CCDC88A: variants seen among roughly 807,000 people sequenced by gnomAD.
CCDC88A encodes coiled-coil and HOOK domain protein 88A, also known as girdin.
A neutral mutation model predicts 234.3 loss-of-function variants in CCDC88A; 54 were observed. That is an observed-to-expected ratio of 0.23 (90% CI 0.19 to 0.29). The LOEUF (loss-of-function observed/expected upper bound fraction) is 0.29, where lower values mean the gene tolerates loss of function less well. Ranked by LOEUF, CCDC88A falls within the 10% of genes least tolerant of loss-of-function variation. CCDC88A has a pLI of 1.00. For synonymous variants in CCDC88A, 753 were observed against 737.8 expected (o/e 1.02, Z -0.33); for missense variants, 1,832 against 2,123.4 (o/e 0.86, Z 2.70).
At chr2:55,415,348 C>A (rs891939942) in intron 2 of CCDC88A, among the ~76,000 whole-genome samples, 1 of 151,982 alleles carries the variant, frequency 6.6e-6, no homozygotes, top group Non-Finnish European at 1.5e-5. Context: ...CTACTGGTGG[C>A]CAGAGACCAA....
chr2:55,343,540 G>T, intron 12 of CCDC88A, 108 bp downstream of exon 12: 1 of 777,522 alleles, frequency 1.3e-6, no homozygotes, highest in Non-Finnish European at 2.0e-6. Context: ...TATGGAGACA[G>T]GTAGTCTTCT....
chr2:55,296,358 A>T lies in CCDC88A; in HGVS notation c.4991T>A (p.Leu1664Gln). 6.2e-7 allele frequency: 1 copy of T among 1,614,146 alleles called. No homozygotes were observed. Among genetic ancestry groups the T allele is most frequent in the African/African-American group, 1.3e-5 (1 of 75,040 alleles). Residue 1664 changes from leucine (L) to glutamine (Q), a missense_variant, in exon 30 of 33, where the codon CTG becomes CAG. Physicochemically the swap from Leu to Gln is moderately radical, Grantham distance 113. Coordinates refer to ENST00000436346, the MANE Select transcript of CCDC88A (RefSeq NM_001365480.1). ...TTTGATCTTGTGATGTCGACTCTCC[A>T]GTGTTTCAGATATTTTGTGCTGGAG... ...PVLQHKISET[L>Q]ESRHHKIKTG...
intron 16 of CCDC88A, among the ~76,000 whole-genome samples, chr2:55,330,422 G>A (rs570516875): frequency 1.6e-4 from 24 of 152,120 alleles, no homozygotes; most frequent in Admixed American, 3.9e-4. Context: ...GCAGTGAGCC[G>A]AGATTGTGCC....
At chr2:55,310,307 C>A (rs941701835) in intron 23 of CCDC88A, among the ~76,000 whole-genome samples, 1 of 152,036 alleles carries the variant, frequency 6.6e-6, no homozygotes, top group Non-Finnish European at 1.5e-5. Context: ...TAAGGCAGGG[C>A]GTGGTGGCTC....
intron 6 of CCDC88A, among the ~76,000 whole-genome samples, chr2:55,363,398 TAG>T (rs1443155010): frequency 6.6e-6 from 1 of 151,946 alleles, no homozygotes; most frequent in Non-Finnish European, 1.5e-5. Context: ...AGCCCAAGAA[TAG>T]ACAGACATAG....
At chr2:55,382,302 T>C (rs1021749535) in intron 3 of CCDC88A, among the ~76,000 whole-genome samples, 1 of 152,350 alleles carries the variant, frequency 6.6e-6, no homozygotes, top group East Asian at 1.9e-4. Flanking sequence ...TACTGGAATC[T>C]GTTCTTTGTT....
In CCDC88A at chr2:55,308,910, T is replaced by G. The variant is rs955707499; in HGVS notation, c.4286A>C (p.Glu1429Ala). ...TLTPTRSDSS[E>A]GFLQLPHQDS... ...TTGATGAGGGAGCTGAAGAAATCCTTCACTGGAGTCTGAGCGGGTGGGTGT... is the reference window on the plus strand; with the variant it reads ...TTGATGAGGGAGCTGAAGAAATCCTGCACTGGAGTCTGAGCGGGTGGGTGT... Residue 1429 changes from glutamate (E) to alanine (A), a missense_variant, in exon 25 of 33, where the codon GAA becomes GCA. Glu to Ala is a moderately radical substitution (Grantham distance 107). Coordinates refer to ENST00000436346, the MANE Select transcript of CCDC88A (RefSeq NM_001365480.1). 4 of 1,614,062 alleles carry G rather than the reference T, an allele frequency of 2.5e-6. No homozygotes were observed. Among genetic ancestry groups the G allele is most frequent in the Admixed American group, 1.7e-5 (1 of 60,018 alleles).
intron 29 of CCDC88A, 102 bp from the exon 30 acceptor site, chr2:55,296,625 C>T (rs984674727): frequency 4.6e-6 from 5 of 1,098,346 alleles, no homozygotes; most frequent in Admixed American, 4.7e-5. Flanking sequence ...TATGAACAGC[C>T]AAATTTACTT....
chr2:55,341,489 G>C (rs548260015), intron 12 of CCDC88A, among the ~76,000 whole-genome samples: 1 of 146,202 alleles, frequency 6.8e-6, no homozygotes, highest in Admixed American at 7.1e-5. Flanking sequence ...GTGTCACCTA[G>C]GCTGGAGTGC....
chr2:55,385,758 C>G (rs933725410), intron 3 of CCDC88A, among the ~76,000 whole-genome samples: 2 of 137,532 alleles, frequency 1.5e-5, no homozygotes, highest in African/African-American at 2.7e-5. Flanking sequence ...GGGCCTGAGG[C>G]AGGAGAATCC....
chr2:55,346,608 T>TGGGG, intron 9 of CCDC88A, among the ~76,000 whole-genome samples: 1 of 152,104 alleles, frequency 6.6e-6, no homozygotes, highest in African/African-American at 2.4e-5. Flanking sequence ...TTAGTAGAGA[T>TGGGG]GGAGTTTCGT....
At chr2:55,414,650 C>T (rs528991516) in intron 2 of CCDC88A, among the ~76,000 whole-genome samples, 1 of 152,312 alleles carries the variant, frequency 6.6e-6, no homozygotes, top group South Asian at 2.1e-4. Flanking sequence ...AGTCAGTAAA[C>T]AGTGTCATGA....
At position 55,388,813 on chromosome 2, in the gene CCDC88A, A is replaced by G; in HGVS notation, c.238T>C (p.Ser80Pro). The change falls in exon 3 of 33, where the codon TCC becomes CCC. Residue 80 changes from serine (S) to proline (P), a missense_variant. Coordinates refer to ENST00000436346, the MANE Select transcript of CCDC88A (RefSeq NM_001365480.1). ...NDASLRMHNL[S>P]ILVRQIKFYY... ...AATTTTATCTGTCTCACCAAAATGGATAGATTGTGCATTCTAAGTGAGGCA... is the reference window on the plus strand; with the variant it reads ...AATTTTATCTGTCTCACCAAAATGGGTAGATTGTGCATTCTAAGTGAGGCA... 1 of 1,530,724 alleles carries G rather than the reference A, an allele frequency of 6.5e-7. No homozygotes were observed. The highest frequency in any genetic ancestry group is 8.9e-7 in the Non-Finnish European group (1 of 1,120,846). 94.8% of individuals were successfully genotyped at this position (1,530,724 alleles called of 1,614,324 possible).
At position 55,334,948 on chromosome 2, in the gene CCDC88A, C is replaced by T; in HGVS notation, c.1873G>A (p.Glu625Lys). 6.4e-7 allele frequency: 1 copy of T among 1,559,084 alleles called. No homozygotes were observed. Among genetic ancestry groups the T allele is most frequent in the Non-Finnish European group, 8.7e-7 (1 of 1,147,236 alleles). ...TCATTTTCAAGTTCTTCAGCTCGTT[C>T]TCCTTTTTCTTTATAATGTTCCAAT... The part of the protein sequence containing the change: ...KELEHYKEKG[E>K]RAEELENELH... The change falls in exon 15 of 33, where the codon GAA becomes AAA. Residue 625 changes from glutamate to lysine, a missense_variant. Transcript: ENST00000436346. This position sits in a 1 kb window ranked among gnomAD's most constrained non-coding sequence, Gnocchi z 6.1.
intron 2 of CCDC88A, among the ~76,000 whole-genome samples, chr2:55,392,443 T>C (rs1676802667): frequency 6.6e-6 from 1 of 152,242 alleles, no homozygotes; most frequent in South Asian, 2.1e-4. Context: ...CTCTATAGCA[T>C]TGAGTCTTGC....
Position 55,376,976 on chromosome 2 carries a change from G to A in CCDC88A, c.274-2093C>T, listed in dbSNP as rs144775846. 6.4e-3 allele frequency among the ~76,000 whole-genome samples: 971 copies of A among 151,986 alleles called. 12 individuals are homozygous for A. The highest frequency in any genetic ancestry group is 0.021 in the African/African-American group (891 of 41,442). ...GTCCCGAGTAGCTGGGATTACAGGC[G>A]CCCACCACCATGCCTGGCTAATTTT... On this transcript the variant is annotated intron_variant, in intron 3 of 32. Transcript: ENST00000436346.
intron 3 of CCDC88A, among the ~76,000 whole-genome samples, chr2:55,378,681 T>C (rs1674087475): frequency 6.6e-6 from 1 of 152,086 alleles, no homozygotes; most frequent in South Asian, 2.1e-4. Flanking sequence ...CAAATTATTC[T>C]AAAATGTCTT....
chr2:55,382,797 A>G (rs1674809832), intron 3 of CCDC88A, among the ~76,000 whole-genome samples: 1 of 152,194 alleles, frequency 6.6e-6, no homozygotes, highest in Non-Finnish European at 1.5e-5. Context: ...CTGATAATCT[A>G]ATGTTACCAC....
At chr2:55,299,117 T>C (rs1294744860) in intron 29 of CCDC88A, among the ~76,000 whole-genome samples, 1 of 151,956 alleles carries the variant, frequency 6.6e-6, no homozygotes, top group Non-Finnish European at 1.5e-5. Context: ...GACAGGAGAA[T>C]GGCTTGAACC....
Sources: gnomAD v4.1 joint callset for allele counts (sites outside exome capture counted in the v4.1 genomes callset) on GRCh38, gnomAD v4.1.1 for gene constraint, Gnocchi (gnomAD v3.1) non-coding constraint, MANE v1.5 for transcripts, NCBI Gene and HGNC (gene_info 2026-07-23, HGNC 2026-07-21) for gene names.